The following SLC22A25 variants were observed in gnomAD, a reference collection of about 807,000 sequenced individuals.
SLC22A25 encodes the protein solute carrier family 22 member 25, also known as MGI:2442751, MGI:2385316, MGI:3042283, MGI:3645714, MGI:3605624, MGI:2442750.
In SLC22A25, 44 loss-of-function variants were observed where a neutral mutation model predicts 45.9. The observed-to-expected ratio is 0.96, with a 90% CI of 0.75 to 1.23. The LOEUF is 1.23. Among genes scored for constraint, SLC22A25 ranks in the 50% most tolerant of loss-of-function variants. SLC22A25 has a pLI of 0.00. For missense variants in SLC22A25, 800 were observed against 666.4 expected, an observed-to-expected ratio of 1.20 and a Z score of -2.21; for synonymous variants, 283 against 238.6, an observed-to-expected ratio of 1.19 and a Z score of -1.72.
At chr11:63,224,837 C>T (rs994115616) in intron 5 of SLC22A25, among the ~76,000 whole-genome samples, 2 of 152,116 alleles carry the variant, frequency 1.3e-5, no homozygotes, top group African/African-American at 4.8e-5. Flanking sequence ...CGGTGGCTGA[C>T]GCCTGTAATC....
intron 5 of SLC22A25, chr11:63,218,277 T>C: frequency 3.1e-6 from 1 of 321,196 alleles, no homozygotes; most frequent in Non-Finnish European, 6.0e-6. Flanking sequence ...TGTCCTCAAC[T>C]TATAAGGGGG....
At position 63,166,271 on chromosome 11, in the gene SLC22A25, C is replaced by G. The variant is rs17157917; in HGVS notation, c.1071-13G>C. 4.5e-3 allele frequency: 7,208 copies of G among 1,612,832 alleles called. 261 individuals are homozygous for G. In the African/African-American group the frequency reaches 0.079, roughly 18 times the overall value. ...GGTACTTGCAAATCTGCAGGGAACA[C>G]AGAAAAAGGCACATATTATAATCTG... On this transcript the variant is annotated splice_polypyrimidine_tract_variant and intron_variant, in intron 9 of 11. Transcript: ENST00000306494.
chr11:63,205,117 A>G (rs2089361317), intron 7 of SLC22A25, among the ~76,000 whole-genome samples: 1 of 152,244 alleles, frequency 6.6e-6, no homozygotes. Context: ...ACCCGATGGG[A>G]ACAAAGATAC....
In SLC22A25 at chr11:63,231,024, G is replaced by C. The variant is rs147289572; in HGVS notation, c.-444-928C>G. Among the ~76,000 whole-genome samples, 680 of 152,142 alleles carry C rather than the reference G, an allele frequency of 4.5e-3. 8 individuals carry two copies. Among genetic ancestry groups the C allele is most frequent in the African/African-American group, 0.015 (642 of 41,504 alleles). On this transcript the variant is annotated intron_variant, in intron 3 of 11. Coordinates refer to ENST00000306494, the MANE Select transcript of SLC22A25 (RefSeq NM_199352.6). ...TATAGTATTCCATGGTGTATATGTG[G>C]CACATTTTCTTAATCTAGTCTATCA... is the stretch of plus-strand genomic sequence containing the variant.
intron 7 of SLC22A25, among the ~76,000 whole-genome samples, chr11:63,207,865 C>T (rs910055809): frequency 3.9e-5 from 6 of 152,108 alleles, no homozygotes; most frequent in African/African-American, 1.4e-4. Context: ...AATTGAATAA[C>T]TGTCTTTGTT....
Position 63,166,237 on chromosome 11 carries a change from A to G in SLC22A25, c.1092T>C (p.Phe364=), listed in dbSNP as rs2087678815. 7 of 1,613,840 alleles carry G rather than the reference A, an allele frequency of 4.3e-6. No individual in the cohort carries two copies. The highest frequency in any genetic ancestry group is 2.7e-5 in the African/African-American group (2 of 74,932). ...SFVRFASTIP[F]WGLTLHLQHL... ...GCTGGAGGTGCAAAGTAAGGCCCCAAAAAGGGATGGTACTTGCAAATCTGC... is the reference window on the plus strand; with the variant it reads ...GCTGGAGGTGCAAAGTAAGGCCCCAGAAAGGGATGGTACTTGCAAATCTGC... Residue 364 remains phenylalanine (F), a synonymous_variant, in exon 10 of 12, where the codon TTT becomes TTC. Transcript: ENST00000306494.
At chr11:63,242,089 C>T (rs777366763) in intron 1 of SLC22A25, among the ~76,000 whole-genome samples, 19 of 151,994 alleles carry the variant, frequency 1.3e-4, no homozygotes, top group Non-Finnish European at 2.2e-4. Context: ...TCACAAGAGA[C>T]CAAGAAAAAG....
intron 7 of SLC22A25, among the ~76,000 whole-genome samples, chr11:63,184,565 A>G (rs2088452291): frequency 6.6e-6 from 1 of 152,138 alleles, no homozygotes; most frequent in Non-Finnish European, 1.5e-5. Context: ...GACAAGATGT[A>G]AATTGTTCGT....
At position 63,221,438 on chromosome 11, in the gene SLC22A25, G is replaced by A. The variant is rs576421814; in HGVS notation, c.507-3703C>T. 9.2e-5 allele frequency among the ~76,000 whole-genome samples: 14 copies of A among 152,162 alleles called. No individual in the cohort carries two copies. In the South Asian group the frequency reaches 2.9e-3, roughly 32 times the overall value. On this transcript the variant is annotated intron_variant, in intron 5 of 11. Coordinates refer to ENST00000306494, the MANE Select transcript of SLC22A25 (RefSeq NM_199352.6). ...TTTTGTGTGTCTTCTTTTGAGAAAT[G>A]TCTCTTCAGATACTTCACCCATTTA...
intron 7 of SLC22A25, among the ~76,000 whole-genome samples, chr11:63,187,561 G>A (rs537966684): frequency 6.6e-6 from 1 of 152,136 alleles, no homozygotes; most frequent in Non-Finnish European, 1.5e-5. Context: ...GATTGCCCTG[G>A]CCAGAACTTC....
Position 63,237,356 on chromosome 11 carries a change from G to A in SLC22A25, c.-445+525C>T, listed in dbSNP as rs529828305. Among the ~76,000 whole-genome samples the A allele has an allele frequency of 2.6e-5, 4 of 152,262 alleles. No homozygotes were observed. The South Asian group carries it at 6.2e-4, about 24-fold the overall frequency. ...AGACGAGACCTTTAAGAGGTGAATA[G>A]GTTCATGTGGATATCGCGGAGGTGG... On this transcript the variant is annotated intron_variant, in intron 3 of 11. Transcript: ENST00000306494.
chr11:63,211,758 C>T (rs1374921246), intron 7 of SLC22A25, among the ~76,000 whole-genome samples: 2 of 152,056 alleles, frequency 1.3e-5, no homozygotes, highest in African/African-American at 4.8e-5. Flanking sequence ...TAGGCATGGG[C>T]AAGGACTTCA....
At chr11:63,217,784 G>T (rs773784685) in intron 5 of SLC22A25, 49 bp from the exon 6 acceptor site, 5 of 1,551,112 alleles carry the variant, frequency 3.2e-6, no homozygotes, top group Non-Finnish European at 4.3e-6. Flanking sequence ...CAACCTTTGG[G>T]AAATGTTAGC....
intron 8 of SLC22A25, among the ~76,000 whole-genome samples, chr11:63,182,939 C>T (rs945801557): frequency 1.3e-4 from 20 of 152,212 alleles, no homozygotes; most frequent in African/African-American, 4.6e-4. Context: ...TAGATTTAAA[C>T]ATGTCCATTA....
intron 7 of SLC22A25, among the ~76,000 whole-genome samples, chr11:63,196,974 G>C (rs1273110606): frequency 2.0e-5 from 3 of 146,918 alleles, no homozygotes; most frequent in Non-Finnish European, 3.0e-5. Context: ...GACACACAGA[G>C]AGCCAAACCA....
At chr11:63,231,074 A>G (rs1252094131) in intron 3 of SLC22A25, among the ~76,000 whole-genome samples, 1 of 152,132 alleles carries the variant, frequency 6.6e-6, no homozygotes, top group Non-Finnish European at 1.5e-5. Flanking sequence ...GGTTGGTTCC[A>G]AGTCTTTGCT....
intron 7 of SLC22A25, among the ~76,000 whole-genome samples, chr11:63,189,844 C>T (rs1246303485): frequency 6.6e-6 from 1 of 152,196 alleles, no homozygotes; most frequent in Non-Finnish European, 1.5e-5. Context: ...GTTGAAAATT[C>T]TTTTCTTTAA....
chr11:63,165,406 G>C (rs1192886118), intron 10 of SLC22A25, among the ~76,000 whole-genome samples: 1 of 152,012 alleles, frequency 6.6e-6, no homozygotes, highest in African/African-American at 2.4e-5. Flanking sequence ...TGACAACTTG[G>C]GTTCCCTTAT....
In SLC22A25 at chr11:63,203,997, C is replaced by T. The variant is rs551051200; in HGVS notation, c.830+13317G>A. On this transcript the variant is annotated intron_variant, in intron 7 of 11. Transcript: ENST00000306494. ...CTACAAGCCAGAAGAGAGTGGGAGC[C>T]AATAATCAACACTCTTAAAGAAAAG... is the stretch of plus-strand genomic sequence containing the variant. Among the ~76,000 whole-genome samples, 11 of 152,188 alleles carry T rather than the reference C, an allele frequency of 7.2e-5. No individual in the cohort carries two copies. The South Asian group carries it at 2.3e-3, about 32-fold the overall frequency.
Sources: gnomAD v4.1 joint callset for allele counts (sites outside exome capture counted in the v4.1 genomes callset) on GRCh38, gnomAD v4.1.1 for gene constraint, MANE v1.5 for transcripts, NCBI Gene and HGNC (gene_info 2026-07-23, HGNC 2026-07-21) for gene names.